The following SBF2 variants were observed in gnomAD, a reference collection of about 807,000 sequenced individuals.
SBF2 encodes SET binding factor 2.
A neutral mutation model predicts 225.2 loss-of-function variants in SBF2; 112 were observed. The observed-to-expected ratio is 0.50, with a 90% confidence interval of 0.43 to 0.58. The LOEUF (loss-of-function observed/expected upper bound fraction) is 0.58. Ranked by LOEUF, SBF2 falls within the 20% of genes least tolerant of loss-of-function variation. The pLI, the probability that SBF2 is intolerant of heterozygous loss-of-function variation, is 0.00. For missense variants in SBF2, 1,996 were observed against 2,206.2 expected, an observed-to-expected ratio of 0.90 and a Z score of 1.91; for synonymous variants, 763 against 773.3, an observed-to-expected ratio of 0.99 and a Z score of 0.22.
chr11:9,882,795 CAAAAAAAAAAAAAA>C, intron 17 of SBF2, among the ~76,000 whole-genome samples: 1 of 90,098 alleles, frequency 1.1e-5, no homozygotes, highest in East Asian at 4.3e-4. Flanking sequence ...GTGACAGAGT[CAAAAAAAAAAAAAA>C]AAAAAAAAAA....
At chr11:10,039,561 C>T (rs772401296) in intron 3 of SBF2, among the ~76,000 whole-genome samples, 1 of 151,632 alleles carries the variant, frequency 6.6e-6, no homozygotes, top group South Asian at 2.1e-4. Flanking sequence ...GTAAGGTGAT[C>T]GTAACAAATA....
At chr11:10,267,132 TA>T (rs1191390158) in intron 1 of SBF2, among the ~76,000 whole-genome samples, 1 of 152,044 alleles carries the variant, frequency 6.6e-6, no homozygotes, top group Non-Finnish European at 1.5e-5. Flanking sequence ...TAAATTAAAT[TA>T]AAAAGGGAAG....
intron 2 of SBF2, among the ~76,000 whole-genome samples, chr11:10,161,890 C>G (rs1175500506): frequency 6.6e-6 from 1 of 152,100 alleles, no homozygotes; most frequent in African/African-American, 2.4e-5. Flanking sequence ...GAGGCTGAAG[C>G]AGCAAGAGTG....
chr11:10,197,842 C>G (rs1957432754), intron 1 of SBF2, among the ~76,000 whole-genome samples: 1 of 152,146 alleles, frequency 6.6e-6, no homozygotes, highest in Non-Finnish European at 1.5e-5. Context: ...TTCAAGAAAC[C>G]ATTTTCTTTG....
chr11:10,221,740 G>C (rs1958346300), intron 1 of SBF2, among the ~76,000 whole-genome samples: 1 of 152,144 alleles, frequency 6.6e-6, no homozygotes, highest in African/African-American at 2.4e-5. Context: ...GCACTGAAGA[G>C]TGACCAAAAG....
intron 16 of SBF2, among the ~76,000 whole-genome samples, chr11:9,909,641 G>T (rs1361363183): frequency 6.9e-6 from 1 of 144,158 alleles, no homozygotes; most frequent in Non-Finnish European, 1.5e-5. Context: ...CTGCACTCCA[G>T]CCTGGGTGAC....
chr11:9,811,093 G>A (rs1404849663), intron 30 of SBF2: 1 of 152,198 alleles, frequency 6.6e-6, no homozygotes, highest in Admixed American at 6.5e-5. Context: ...CACAGGAATG[G>A]AAAACCAAAT....
At chr11:10,106,159 T>C (rs1022333502) in intron 2 of SBF2, among the ~76,000 whole-genome samples, 1 of 152,198 alleles carries the variant, frequency 6.6e-6, no homozygotes, top group Non-Finnish European at 1.5e-5. Context: ...ACCCAATAGG[T>C]AGTTTTTGAA....
chr11:10,222,455 A>C (rs1214037045), intron 1 of SBF2, among the ~76,000 whole-genome samples: 1 of 152,248 alleles, frequency 6.6e-6, no homozygotes, highest in Admixed American at 6.5e-5. Context: ...AACAAAGTAG[A>C]AATTCTAGAT....
At chr11:10,066,628 A>C (rs554793025) in intron 2 of SBF2, among the ~76,000 whole-genome samples, 26 of 152,340 alleles carry the variant, frequency 1.7e-4, no homozygotes, top group African/African-American at 6.0e-4. Flanking sequence ...CCTTAACCTA[A>C]TAAAGAGCAT....
chr11:10,269,006 T>C (rs999513329), intron 1 of SBF2, among the ~76,000 whole-genome samples: 6 of 152,110 alleles, frequency 3.9e-5, no homozygotes, highest in Admixed American at 6.5e-5. Flanking sequence ...ATTAAGTGAT[T>C]TTTTTTTCCT....
At chr11:10,086,383 G>A (rs1253015649) in intron 2 of SBF2, among the ~76,000 whole-genome samples, 1 of 152,116 alleles carries the variant, frequency 6.6e-6, no homozygotes, top group Admixed American at 6.5e-5. Flanking sequence ...AGTGGACAAG[G>A]AAAGGCAAGG....
At chr11:10,090,764 C>CAAAAAAAGAAA (rs1951750146) in intron 2 of SBF2, among the ~76,000 whole-genome samples, 1 of 44,428 alleles carries the variant, frequency 2.3e-5, no homozygotes, top group Non-Finnish European at 4.4e-5. Flanking sequence ...GATTCCATCT[C>CAAAAAAAGAAA]AAAAAAAAAA....
At chr11:10,164,127 C>T (rs1031079121) in intron 2 of SBF2, among the ~76,000 whole-genome samples, 1 of 152,148 alleles carries the variant, frequency 6.6e-6, no homozygotes, top group South Asian at 2.1e-4. Context: ...CAATTAAATA[C>T]TCCATTCCCA....
At chr11:10,299,633 TGAGA>T (rs1964577192) in intron 1 of SBF2, among the ~76,000 whole-genome samples, 1 of 152,042 alleles carries the variant, frequency 6.6e-6, no homozygotes, top group Admixed American at 6.6e-5. Flanking sequence ...TGGGCTCTTC[TGAGA>T]GCAGGCCGTG....
intron 13 of SBF2, among the ~76,000 whole-genome samples, chr11:9,986,283 G>T (rs751353268): frequency 2.0e-5 from 3 of 152,008 alleles, no homozygotes; most frequent in Non-Finnish European, 4.4e-5. Context: ...CAGCAAAGGC[G>T]GTGCTAAGAG....
chr11:10,154,768 C>A (rs544193210), intron 2 of SBF2, among the ~76,000 whole-genome samples: 1 of 152,098 alleles, frequency 6.6e-6, no homozygotes, highest in Non-Finnish European at 1.5e-5. Flanking sequence ...CTTATGTTTT[C>A]TTTTAGCAGG....
chr11:9,919,223 T>C (rs1863377614), intron 16 of SBF2, among the ~76,000 whole-genome samples: 1 of 152,002 alleles, frequency 6.6e-6, no homozygotes, highest in Non-Finnish European at 1.5e-5. Context: ...TCTAGCTGAT[T>C]TTCCATCAAG....
chr11:9,805,765 G>A (rs1258105802), intron 32 of SBF2, among the ~76,000 whole-genome samples: 1 of 152,154 alleles, frequency 6.6e-6, no homozygotes, highest in Admixed American at 6.5e-5. Flanking sequence ...TGGGACTACA[G>A]GCGTGCGCCC....
Sources: gnomAD v4.1 joint callset for allele counts (sites outside exome capture counted in the v4.1 genomes callset) on GRCh38, gnomAD v4.1.1 for gene constraint, MANE v1.5 for transcripts, NCBI Gene and HGNC (gene_info 2026-07-23, HGNC 2026-07-21) for gene names.